BTBD7: variants seen among roughly 807,000 people sequenced by gnomAD.
BTBD7 encodes the protein BTB/POZ domain-containing protein 7.
BTBD7 carries 38 observed loss-of-function variants against 99.9 expected under a neutral mutation model. The ratio of observed to expected loss-of-function variants is 0.38; its 90% CI spans 0.29 to 0.50. The LOEUF is 0.50. Ranked by LOEUF, BTBD7 falls within the 20% of genes least tolerant of loss-of-function variation. The probability of loss-of-function intolerance (pLI) is 0.93; values close to 1 mark genes in which losing one functional copy is unlikely to be tolerated. For synonymous variants in BTBD7, 520 were observed against 511.4 expected, an observed-to-expected ratio of 1.02 and a Z score of -0.23; for missense variants, 1,170 against 1,394.6, an observed-to-expected ratio of 0.84 and a Z score of 2.57.
In BTBD7 at chr14:93,332,940, C is replaced by A. The variant is rs1217668044; in HGVS notation, c.-227G>T. 1 of 188,950 alleles carries A rather than the reference C, an allele frequency of 5.3e-6. No homozygotes were observed. Among genetic ancestry groups the A allele is most frequent in the Non-Finnish European group, 7.0e-6 (1 of 143,408 alleles). 11.7% of individuals were successfully genotyped at this position (188,950 alleles called of 1,614,324 possible). A position where few individuals can be genotyped will look rare whatever the true frequency, so the allele number is the denominator to read the frequency against. On this transcript the variant is annotated 5_prime_UTR_variant, in exon 1 of 11. Transcript: ENST00000334746. ...GCACCCCCGGCCATCCTCCTCCCAC[C>A]GCCGCCGCCGCCGCCCTCTCCTCTC...
Position 93,290,987 on chromosome 14 carries a change from GTTT to G in BTBD7, c.1162+2868_1162+2870del, listed in dbSNP as rs34246296. Among the ~76,000 whole-genome samples, 551 of 76,754 alleles carry G rather than the reference GTTT, an allele frequency of 7.2e-3. 1 individual carries two copies. Among genetic ancestry groups the G allele is most frequent in the Middle Eastern group, 0.011 (1 of 90 alleles). The allele number at this position is 76,754 out of a possible 152,430, so 50.4% of individuals were successfully genotyped here. ...AGTGTGGGCCACTGTGCTAGGCCTA[GTTT>G]TTTTTTTTTTTTTTTTTTTTTTGGT... On this transcript the variant is annotated intron_variant, in intron 3 of 10. Transcript: ENST00000334746.
intron 1 of BTBD7, among the ~76,000 whole-genome samples, chr14:93,311,144 T>G (rs182245911): frequency 6.6e-6 from 1 of 152,334 alleles, no homozygotes; most frequent in Non-Finnish European, 1.5e-5. Context: ...AGTTATGAAT[T>G]AATAGACTTA....
Position 93,331,552 on chromosome 14 carries a change from C to G in BTBD7, c.-107+1268G>C, listed in dbSNP as rs573854894. Among the ~76,000 whole-genome samples the G allele has an allele frequency of 2.4e-3, 362 of 152,260 alleles. 1 individual carries two copies. Among genetic ancestry groups the G allele is most frequent in the African/African-American group, 8.4e-3 (348 of 41,540 alleles). On this transcript the variant is annotated intron_variant, in intron 1 of 10. Coordinates refer to ENST00000334746, the MANE Select transcript of BTBD7 (RefSeq NM_001002860.4). ...GAAGAAAGCAATTCATTTCAGCAAT[C>G]TAAAGGAAACAGATGCTATTAGGGA...
intron 1 of BTBD7, among the ~76,000 whole-genome samples, chr14:93,321,121 TG>T (rs2053264506): frequency 6.6e-6 from 1 of 152,196 alleles, no homozygotes; most frequent in African/African-American, 2.4e-5. Flanking sequence ...TAAGTAGGCA[TG>T]AAAACATTAC....
rs1287815175 is a variant in BTBD7 at position 93,238,123 on chromosome 14, G to T, written c.*4150C>A. ...CAGAGCTTATCTGATCTCTTAGACA[G>T]AACTCACATAAACACACAAATACAA... On this transcript the variant is annotated 3_prime_UTR_variant, in exon 11 of 11. Coordinates refer to ENST00000334746, the MANE Select transcript of BTBD7 (RefSeq NM_001002860.4). 1.3e-5 allele frequency: 2 copies of T among 152,474 alleles called. No individual in the cohort carries two copies. Among genetic ancestry groups the T allele is most frequent in the Admixed American group, 6.6e-5 (1 of 15,258 alleles). 9.4% of individuals were successfully genotyped at this position (152,474 alleles called of 1,614,324 possible).
intron 10 of BTBD7, chr14:93,244,285 GAAGAT>G (rs2052274453): frequency 3.9e-6 from 1 of 255,192 alleles, no homozygotes; most frequent in Non-Finnish European, 7.9e-6. Context: ...TGAACCCAGA[GAAGAT>G]AAGAAGAGAA....
chr14:93,254,113 A>T (rs2052402465), intron 6 of BTBD7, among the ~76,000 whole-genome samples: 1 of 151,912 alleles, frequency 6.6e-6, no homozygotes, highest in Non-Finnish European at 1.5e-5. Flanking sequence ...AATTTTTTGT[A>T]CTTTTAGTAG....
chr14:93,319,565 C>A (rs140183773), intron 1 of BTBD7, among the ~76,000 whole-genome samples: 4 of 152,166 alleles, frequency 2.6e-5, no homozygotes, highest in Non-Finnish European at 5.9e-5. Flanking sequence ...TTATCTAGGC[C>A]TGGTCATTAC....
intron 1 of BTBD7, among the ~76,000 whole-genome samples, chr14:93,329,811 G>A (rs2053379759): frequency 6.6e-6 from 1 of 152,154 alleles, no homozygotes; most frequent in Admixed American, 6.5e-5. Flanking sequence ...GACAGTTTCG[G>A]TTTAGAAATA....
chr14:93,318,608 T>C (rs1306522519), intron 1 of BTBD7, among the ~76,000 whole-genome samples: 47 of 152,052 alleles, frequency 3.1e-4, no homozygotes, highest in Admixed American at 3.1e-3. Flanking sequence ...ATTTGGGGGC[T>C]GGAAAAGAAA....
chr14:93,267,400 C>T (rs542110147), intron 3 of BTBD7, among the ~76,000 whole-genome samples: 4 of 152,322 alleles, frequency 2.6e-5, no homozygotes, highest in South Asian at 2.1e-4. Flanking sequence ...TCCTACCTCA[C>T]AGGGTTGTTA....
intron 3 of BTBD7, among the ~76,000 whole-genome samples, chr14:93,265,949 C>T (rs148877055): frequency 1.3e-5 from 2 of 152,080 alleles, no homozygotes; most frequent in South Asian, 4.1e-4. Flanking sequence ...AAACAAAAAT[C>T]TTGGATAATG....
Position 93,241,972 on chromosome 14 carries a change from C to A in BTBD7, c.*301G>T. Reference sequence around the variant, plus strand: ...AATCAATACAGAGAAAATAAATGTACAAGTGCAAAAAAATTCCATCATTTG... The same window carrying A: ...AATCAATACAGAGAAAATAAATGTAAAAGTGCAAAAAAATTCCATCATTTG... On this transcript the variant is annotated 3_prime_UTR_variant, in exon 11 of 11. Transcript: ENST00000334746. 2 of 417,006 alleles carry A rather than the reference C, an allele frequency of 4.8e-6. No homozygotes were observed. The highest frequency in any genetic ancestry group is 4.2e-6 in the Non-Finnish European group (1 of 236,082). The allele number at this position is 417,006 out of a possible 1,614,324, so 25.8% of individuals were successfully genotyped here.
At chr14:93,269,205 T>C (rs1214850522) in intron 3 of BTBD7, among the ~76,000 whole-genome samples, 1 of 152,220 alleles carries the variant, frequency 6.6e-6, no homozygotes, top group Non-Finnish European at 1.5e-5. Context: ...ACTGGAATGT[T>C]GGTAAAAAGA....
intron 1 of BTBD7, among the ~76,000 whole-genome samples, chr14:93,324,314 T>C (rs1025295311): frequency 1.3e-5 from 2 of 151,510 alleles, no homozygotes; most frequent in Non-Finnish European, 2.9e-5. Flanking sequence ...TGGCTACTTC[T>C]CAGAAGCCTG....
intron 1 of BTBD7, among the ~76,000 whole-genome samples, chr14:93,297,925 G>A (rs1379698299): frequency 6.6e-6 from 1 of 152,186 alleles, no homozygotes; most frequent in South Asian, 2.1e-4. Context: ...TTTAAGATGA[G>A]CTTGGAATCT....
chr14:93,293,158 A>C (rs946054392), intron 3 of BTBD7, among the ~76,000 whole-genome samples: 2 of 152,212 alleles, frequency 1.3e-5, no homozygotes, highest in African/African-American at 4.8e-5. Context: ...TGAAATGTTA[A>C]GATTCTAACA....
At position 93,296,090 on chromosome 14, in the gene BTBD7, C is replaced by T; in HGVS notation, c.-39G>A. On this transcript the variant is annotated 5_prime_UTR_variant, in exon 2 of 11. Coordinates refer to ENST00000334746, the MANE Select transcript of BTBD7 (RefSeq NM_001002860.4). ...TCAGGCATTCCGTCTGCGGGTTCTT[C>T]AGAGTATAATCCCAGAGGCCTTTAT... 6.2e-7 allele frequency: 1 copy of T among 1,608,552 alleles called. No homozygotes were observed. Among genetic ancestry groups the T allele is most frequent in the Non-Finnish European group, 8.5e-7 (1 of 1,177,546 alleles).
At chr14:93,284,904 T>C (rs1295287319) in intron 3 of BTBD7, among the ~76,000 whole-genome samples, 1 of 151,856 alleles carries the variant, frequency 6.6e-6, no homozygotes, top group Admixed American at 6.6e-5. Context: ...CTATGAAAAA[T>C]GACTTAAGTT....
Sources: allele counts gnomAD v4.1 joint callset (sites outside exome capture counted in the v4.1 genomes callset), GRCh38; gene constraint gnomAD v4.1.1; transcripts MANE v1.5; gene names NCBI Gene and HGNC (gene_info 2026-07-23, HGNC 2026-07-21).